The following GAN variants were observed in gnomAD, a reference collection of about 807,000 sequenced individuals.
The protein encoded by GAN is gigaxonin, also known as epididymis secretory sperm binding protein.
Under a neutral mutation model 71.3 loss-of-function variants are expected in GAN, and 48 were observed. The ratio of observed to expected loss-of-function variants is 0.67; its 90% CI spans 0.53 to 0.86. The LOEUF is 0.86. Ranked by LOEUF, GAN falls within the 40% of genes least tolerant of loss-of-function variation. The pLI is 0.00. For synonymous variants in GAN, 386 were observed against 276.8 expected (o/e 1.39, Z -3.92); for missense variants, 928 against 770.1 (o/e 1.21, Z -2.43).
chr16:81,315,385 G>A, intron 1 of GAN, 105 bp downstream of exon 1: 1 of 774,296 alleles, frequency 1.3e-6, no homozygotes, highest in Non-Finnish European at 1.7e-6. Context: ...TGTCCCCGGC[G>A]CCGGGGTCCC....
Position 81,368,369 on chromosome 16 carries a change from TGGTA to T in GAN, c.1502+2894_1502+2897del. Reference sequence around the variant, plus strand: ...ATCCCAGAACTCTGGGAGACCCAGGTGGTAGGATCCCTTGAGCCCAGGAGTTCAA... The same window carrying T: ...ATCCCAGAACTCTGGGAGACCCAGGTGGATCCCTTGAGCCCAGGAGTTCAA... On this transcript the variant is annotated intron_variant, in intron 9 of 10. Transcript: ENST00000648994. Among the ~76,000 whole-genome samples, 4 of 152,310 alleles carry T rather than the reference TGGTA, an allele frequency of 2.6e-5. No individual in the cohort carries two copies. The South Asian group carries it at 8.3e-4, about 32-fold the overall frequency.
In GAN at chr16:81,315,076, C is replaced by T. The variant is rs1477703835; in HGVS notation, c.-38C>T. On this transcript the variant is annotated 5_prime_UTR_variant, in exon 1 of 11. Coordinates refer to ENST00000648994, the MANE Select transcript of GAN (RefSeq NM_022041.4). ...CTCGAGGGGTCCGGCCGGACGGTGT[C>T]GGGAGCCGGACCCGTCGGCAGAGGA... The T allele has an allele frequency of 4.2e-6, 6 of 1,443,640 alleles. No homozygotes were observed. In the Admixed American group the frequency reaches 1.2e-4, roughly 29 times the overall value. 89.4% of individuals were successfully genotyped at this position (1,443,640 alleles called of 1,614,324 possible). A position where few individuals can be genotyped will look rare whatever the true frequency, so the allele number is the denominator to read the frequency against.
intron 1 of GAN, among the ~76,000 whole-genome samples, chr16:81,321,282 C>T (rs369599430): frequency 9.9e-5 from 15 of 152,146 alleles, no homozygotes; most frequent in African/African-American, 3.6e-4. Context: ...AGAACTTTCC[C>T]GAGGATTGTT....
At position 81,388,532 on chromosome 16, in the gene GAN, C is replaced by G. The variant is rs887517827; in HGVS notation, c.*10936C>G. ...GTAGGCTAGAATGACACCTTCCAGG[C>G]CAGCCCCAGAGGCCCTCAGGGCTCC... On this transcript the variant is annotated 3_prime_UTR_variant, in exon 11 of 11. Coordinates refer to ENST00000648994, the MANE Select transcript of GAN (RefSeq NM_022041.4). The G allele has an allele frequency of 6.5e-6, 1 of 153,150 alleles. No individual in the cohort carries two copies. The highest frequency in any genetic ancestry group is 1.5e-5 in the Non-Finnish European group (1 of 68,802). 9.5% of individuals were successfully genotyped at this position (153,150 alleles called of 1,614,324 possible).
intron 1 of GAN, among the ~76,000 whole-genome samples, chr16:81,346,248 A>G: frequency 6.6e-6 from 1 of 152,252 alleles, no homozygotes; most frequent in East Asian, 1.9e-4. Flanking sequence ...AGAAGTAAAG[A>G]AAACTCTAAA....
chr16:81,329,649 C>T (rs1388083562), intron 1 of GAN, among the ~76,000 whole-genome samples: 1 of 152,200 alleles, frequency 6.6e-6, no homozygotes, highest in Non-Finnish European at 1.5e-5. Context: ...CTGTATTTAT[C>T]AGATCATTTT....
chr16:81,362,618 C>T lies in GAN; in HGVS notation c.1086+7C>T, dbSNP rs1475192655. On this transcript the variant is annotated splice_region_variant and intron_variant, in intron 6 of 10. Coordinates refer to ENST00000648994, the MANE Select transcript of GAN (RefSeq NM_022041.4). ...ATTGCCACCTATGAACGAGGTAAAA[C>T]ACTAGTTGGTTGGTTTGTTTGATGT... The T allele has an allele frequency of 1.7e-5, 23 of 1,341,568 alleles. No homozygotes were observed. The highest frequency in any genetic ancestry group is 2.5e-5 in the Non-Finnish European group (23 of 930,906). 83.1% of individuals were successfully genotyped at this position (1,341,568 alleles called of 1,614,324 possible).
intron 1 of GAN, among the ~76,000 whole-genome samples, chr16:81,345,640 A>G (rs774046809): frequency 2.0e-4 from 30 of 152,174 alleles, no homozygotes; most frequent in Non-Finnish European, 3.2e-4. Flanking sequence ...GAAATATCTG[A>G]TGTAGGTGAC....
intron 1 of GAN, among the ~76,000 whole-genome samples, chr16:81,334,544 G>A (rs1173438654): frequency 2.0e-5 from 3 of 152,192 alleles, no homozygotes; most frequent in African/African-American, 7.2e-5. Flanking sequence ...CCAAATGAAA[G>A]CCTCCTCCTG....
intron 1 of GAN, among the ~76,000 whole-genome samples, chr16:81,350,424 C>T (rs1420696215): frequency 1.3e-5 from 2 of 152,178 alleles, no homozygotes; most frequent in Admixed American, 6.5e-5. Flanking sequence ...AGGCTGTAAA[C>T]AGCGCCACCT....
intron 1 of GAN, among the ~76,000 whole-genome samples, chr16:81,348,811 G>C (rs1482933417): frequency 1.3e-5 from 2 of 152,160 alleles, no homozygotes; most frequent in Non-Finnish European, 2.9e-5. Flanking sequence ...CTGTGCCCTT[G>C]GGTCTGTACC....
intron 1 of GAN, among the ~76,000 whole-genome samples, chr16:81,330,054 A>C (rs541993738): frequency 1.3e-5 from 2 of 152,320 alleles, no homozygotes; most frequent in East Asian, 3.9e-4. Flanking sequence ...ATTGATGCCC[A>C]GACCTCTCGT....
Position 81,381,002 on chromosome 16 carries a change from T to G in GAN, c.*3406T>G, listed in dbSNP as rs1904302017. The G allele has an allele frequency of 3.3e-5, 5 of 152,218 alleles. No homozygotes were observed. In the South Asian group the frequency reaches 1.0e-3, roughly 31 times the overall value. The allele number at this position is 152,218 out of a possible 1,614,324, so 9.4% of individuals were successfully genotyped here. A position where few individuals can be genotyped will look rare whatever the true frequency, so the allele number is the denominator to read the frequency against. On this transcript the variant is annotated 3_prime_UTR_variant, in exon 11 of 11. Transcript: ENST00000648994. The stretch of plus-strand genomic sequence containing the variant: ...TTTGTTTGTAAACACTTTGTTATAT[T>G]GCACTACCACTTTAATGATGACACT...
intron 1 of GAN, among the ~76,000 whole-genome samples, chr16:81,329,779 A>G (rs2150671271): frequency 6.6e-6 from 1 of 152,230 alleles, no homozygotes; most frequent in East Asian, 1.9e-4. Flanking sequence ...TTGATTAGAC[A>G]TAAGATTCCA....
In GAN at chr16:81,359,781, A is replaced by G. The variant is rs556694919; in HGVS notation, c.973+1850A>G. On this transcript the variant is annotated intron_variant, in intron 5 of 10. Coordinates refer to ENST00000648994, the MANE Select transcript of GAN (RefSeq NM_022041.4). ...GTGTTTTTACTATACATCCATACCC[A>G]TGATAAAGTTTAAGTTCAGCACAGT... is the stretch of plus-strand genomic sequence containing the variant. Among the ~76,000 whole-genome samples the G allele has an allele frequency of 8.0e-4, 122 of 152,150 alleles. 1 individual carries two copies. The highest frequency in any genetic ancestry group is 2.8e-3 in the African/African-American group (115 of 41,532).
chr16:81,330,737 A>C (rs1909548503), intron 1 of GAN, among the ~76,000 whole-genome samples: 1 of 152,244 alleles, frequency 6.6e-6, no homozygotes. Context: ...TATCTCCTTG[A>C]ATATACTTAC....
intron 1 of GAN, among the ~76,000 whole-genome samples, chr16:81,320,416 G>A (rs986555901): frequency 7.9e-5 from 12 of 152,158 alleles, no homozygotes; most frequent in Non-Finnish European, 1.5e-4. Flanking sequence ...TTGCTTCCCT[G>A]TTAATGCTGA....
intron 1 of GAN, among the ~76,000 whole-genome samples, chr16:81,340,619 A>G (rs919299236): frequency 6.6e-6 from 1 of 152,018 alleles, no homozygotes; most frequent in Non-Finnish European, 1.5e-5. Context: ...CCACACCAAA[A>G]CCCCACCCAT....
Position 81,377,415 on chromosome 16 carries a change from G to A in GAN, c.1613G>A (p.Gly538Asp). 1 of 1,613,702 alleles carries A rather than the reference G, an allele frequency of 6.2e-7. No homozygotes were observed. Among genetic ancestry groups the A allele is most frequent in the Non-Finnish European group, 8.5e-7 (1 of 1,179,602 alleles). The change falls in exon 11 of 11, where the codon GGT becomes GAT. Residue 538 changes from glycine to aspartate, a missense_variant and splice_region_variant. Physicochemically the swap from Gly to Asp is moderately conservative, Grantham distance 94. Coordinates refer to ENST00000648994, the MANE Select transcript of GAN (RefSeq NM_022041.4). ...SIYVIGDLDT[G>D]TNYDYVREFK... ...ACCCTTGCTTATTTCTGTGGCTTAG[G>A]TACCAATTACGACTACGTGCGTGAG...
Sources: gnomAD v4.1 joint callset for allele counts (sites outside exome capture counted in the v4.1 genomes callset) on GRCh38, gnomAD v4.1.1 for gene constraint, MANE v1.5 for transcripts, NCBI Gene and HGNC (gene_info 2026-07-23, HGNC 2026-07-21) for gene names.